Variants in POLN observed in about 807,000 individuals in gnomAD.
POLN encodes DNA polymerase N.
A neutral mutation model predicts 113.5 loss-of-function variants in POLN; 108 were observed. The ratio of observed to expected loss-of-function variants is 0.95; its 90% CI spans 0.81 to 1.12. POLN has a LOEUF of 1.12. POLN is among the 50% of genes most tolerant of loss of function. The pLI, the probability that POLN is intolerant of heterozygous loss-of-function variation, is 0.00. For missense variants in POLN, 1,097 were observed against 1,077.1 expected, an observed-to-expected ratio of 1.02 and a Z score of -0.26; for synonymous variants, 386 against 391.5, an observed-to-expected ratio of 0.99 and a Z score of 0.17.
At chr4:2,162,765 T>C (rs1168104892) in intron 13 of POLN, among the ~76,000 whole-genome samples, 2 of 149,570 alleles carry the variant, frequency 1.3e-5, no homozygotes, top group Non-Finnish European at 3.0e-5. Flanking sequence ...CCCGATTTTA[T>C]TTTTTTTTTA....
Position 2,229,447 on chromosome 4 carries a change from T to G in POLN, c.-12-204A>C, listed in dbSNP as rs571102151. Reference sequence around the variant, plus strand: ...AGCTAGAGGCTTAATCCAGGTATCATAGTAAATAGATAACTTATTTTCTAG... The same window carrying G: ...AGCTAGAGGCTTAATCCAGGTATCAGAGTAAATAGATAACTTATTTTCTAG... On this transcript the variant is annotated intron_variant, in intron 2 of 25. Coordinates refer to ENST00000511885, the MANE Select transcript of POLN (RefSeq NM_181808.4). The G allele has an allele frequency of 3.5e-5, 14 of 400,604 alleles. No homozygotes were observed. In the South Asian group the frequency reaches 7.2e-4, roughly 21 times the overall value. The allele number at this position is 400,604 out of a possible 1,614,324, so 24.8% of individuals were successfully genotyped here.
chr4:2,150,498 G>A (rs1437767226), intron 16 of POLN, among the ~76,000 whole-genome samples: 1 of 152,026 alleles, frequency 6.6e-6, no homozygotes, highest in Non-Finnish European at 1.5e-5. Flanking sequence ...AGTTCATATG[G>A]AAATGCAAAA....
chr4:2,192,173 C>A (rs566110787), intron 7 of POLN, among the ~76,000 whole-genome samples: 1 of 150,790 alleles, frequency 6.6e-6, no homozygotes, highest in East Asian at 1.9e-4. Flanking sequence ...CTGGGTGATG[C>A]CTACTTTTGT....
intron 16 of POLN, among the ~76,000 whole-genome samples, chr4:2,140,442 G>T (rs1731970731): frequency 1.3e-5 from 2 of 152,132 alleles, no homozygotes; most frequent in African/African-American, 4.8e-5. Context: ...GCTGACTGTA[G>T]GAATAAAATA....
intron 3 of POLN, among the ~76,000 whole-genome samples, chr4:2,223,384 T>C (rs1488417540): frequency 6.6e-6 from 1 of 152,122 alleles, no homozygotes. Context: ...CAGCATTAGA[T>C]TCTCATAGGA....
At chr4:2,207,505 A>G (rs1418081097) in intron 5 of POLN, among the ~76,000 whole-genome samples, 2 of 152,212 alleles carry the variant, frequency 1.3e-5, no homozygotes, top group Non-Finnish European at 2.9e-5. Flanking sequence ...ATCTTATAAG[A>G]GACTTGTATC....
chr4:2,154,617 C>T (rs1732379138), intron 16 of POLN, among the ~76,000 whole-genome samples: 1 of 152,148 alleles, frequency 6.6e-6, no homozygotes, highest in Non-Finnish European at 1.5e-5. Context: ...TACATATATA[C>T]TGTGACTCAG....
At chr4:2,236,567 TAAA>T (rs1734775255) in intron 2 of POLN, 1 of 737,806 alleles carries the variant, frequency 1.4e-6, no homozygotes, top group African/African-American at 1.8e-5. Flanking sequence ...TAACAACTTA[TAAA>T]AATATTGGCC....
chr4:2,072,734 G>T (rs1227040485), intron 25 of POLN, among the ~76,000 whole-genome samples: 1 of 152,190 alleles, frequency 6.6e-6, no homozygotes, highest in African/African-American at 2.4e-5. Context: ...CACAGCTCTT[G>T]ACAGGGAGGG....
At chr4:2,197,884 G>A (rs1379252167) in intron 6 of POLN, among the ~76,000 whole-genome samples, 1 of 152,198 alleles carries the variant, frequency 6.6e-6, no homozygotes, top group East Asian at 1.9e-4. Context: ...GAAGGCAGTG[G>A]ATACCTCCAT....
intron 7 of POLN, among the ~76,000 whole-genome samples, chr4:2,183,515 C>A (rs757232483): frequency 1.3e-5 from 2 of 152,010 alleles, no homozygotes; most frequent in Non-Finnish European, 2.9e-5. Flanking sequence ...GGTTAAAAAC[C>A]AACAACAACA....
chr4:2,236,361 A>G, intron 2 of POLN: 2 of 1,613,448 alleles, frequency 1.2e-6, no homozygotes, highest in East Asian at 2.2e-5. Flanking sequence ...TACTAAAGAA[A>G]TATTCTGTTT....
At chr4:2,225,381 C>G (rs553483900) in intron 3 of POLN, among the ~76,000 whole-genome samples, 8 of 151,814 alleles carry the variant, frequency 5.3e-5, no homozygotes, top group African/African-American at 1.7e-4. Flanking sequence ...ATGGCGAAAC[C>G]CCGTCTCTAC....
At chr4:2,138,370 C>G (rs771900123) in intron 16 of POLN, among the ~76,000 whole-genome samples, 1 of 152,168 alleles carries the variant, frequency 6.6e-6, no homozygotes, top group Admixed American at 6.5e-5. Context: ...AGCTGTGGAG[C>G]TGGGCTTGCA....
chr4:2,083,444 G>A lies in POLN; in HGVS notation c.2198-1701C>T, dbSNP rs564369675. ...CCACTGTCTAGTGTTGGAAACGGCT[G>A]CTCCAGATATTTTGCCCAGTTTTCT... On this transcript the variant is annotated intron_variant, in intron 21 of 25. Transcript: ENST00000511885. Among the ~76,000 whole-genome samples, 128 of 152,342 alleles carry A rather than the reference G, an allele frequency of 8.4e-4. 2 individuals carry two copies. The South Asian group carries it at 0.025, about 30-fold the overall frequency.
At chr4:2,234,346 A>G (rs1734683552) in intron 2 of POLN, 1 of 152,526 alleles carries the variant, frequency 6.6e-6, no homozygotes, top group Non-Finnish European at 1.5e-5. Context: ...ACTGCTGGCA[A>G]AACTACCTGG....
intron 20 of POLN, chr4:2,088,909 C>G: frequency 7.6e-7 from 1 of 1,308,140 alleles, no homozygotes; most frequent in Non-Finnish European, 1.1e-6. Flanking sequence ...AACGAAGACA[C>G]AGTGTTGAGG....
intron 21 of POLN, among the ~76,000 whole-genome samples, chr4:2,084,464 C>T (rs1234262582): frequency 6.6e-6 from 1 of 152,218 alleles, no homozygotes; most frequent in African/African-American, 2.4e-5. Flanking sequence ...TTTACCATGT[C>T]CCCCAAGGAC....
At chr4:2,090,462 A>T (rs1730640108) in intron 20 of POLN, 1 of 568,932 alleles carries the variant, frequency 1.8e-6, no homozygotes, top group East Asian at 2.9e-5. Context: ...ATTCTTCTAT[A>T]GGCTCAACGG....
Sources: gnomAD v4.1 joint callset for allele counts (sites outside exome capture counted in the v4.1 genomes callset) on GRCh38, gnomAD v4.1.1 for gene constraint, MANE v1.5 for transcripts, NCBI Gene and HGNC (gene_info 2026-07-23, HGNC 2026-07-21) for gene names.